MAN1C1: variants seen among roughly 807,000 people sequenced by gnomAD.
MAN1C1 encodes the protein mannosidase alpha class 1C member 1.
In MAN1C1, 49 loss-of-function variants were observed where a neutral mutation model predicts 71.5. The ratio of observed to expected loss-of-function variants is 0.69; its 90% confidence interval spans 0.54 to 0.87. MAN1C1 has a LOEUF of 0.87. Ranked by LOEUF, MAN1C1 falls within the 40% of genes least tolerant of loss-of-function variation. The probability of loss-of-function intolerance (pLI) is 0.00; values close to 1 mark genes in which losing one functional copy is unlikely to be tolerated. For synonymous variants in MAN1C1, 352 were observed against 343.7 expected (o/e 1.02, Z -0.27); for missense variants, 743 against 835.0 (o/e 0.89, Z 1.36).
intron 1 of MAN1C1, among the ~76,000 whole-genome samples, chr1:25,656,722 C>T (rs1213023335): frequency 6.6e-6 from 1 of 152,104 alleles, no homozygotes; most frequent in Non-Finnish European, 1.5e-5. Context: ...ATGTTGGGTC[C>T]TGCCCAAGCT....
chr1:25,627,287 T>TTCTGC (rs148354242), intron 1 of MAN1C1, among the ~76,000 whole-genome samples: 224 of 151,888 alleles, frequency 1.5e-3, no homozygotes, highest in African/African-American at 5.1e-3. Flanking sequence ...TTGTCTTCTC[T>TTCTGC]TCTTCTCTTC....
At chr1:25,626,718 T>C (rs1313785721) in intron 1 of MAN1C1, among the ~76,000 whole-genome samples, 3 of 152,224 alleles carry the variant, frequency 2.0e-5, no homozygotes, top group Admixed American at 6.5e-5. Context: ...TGTTCTTTTT[T>C]AATGTCAAAA....
intron 1 of MAN1C1, among the ~76,000 whole-genome samples, chr1:25,663,427 T>C (rs1358460991): frequency 1.3e-5 from 2 of 152,150 alleles, no homozygotes; most frequent in Non-Finnish European, 2.9e-5. Flanking sequence ...TATACATATG[T>C]TGCCATAAGG....
At chr1:25,755,166 G>A (rs937192980) in intron 5 of MAN1C1, among the ~76,000 whole-genome samples, 2 of 152,168 alleles carry the variant, frequency 1.3e-5, no homozygotes, top group Non-Finnish European at 2.9e-5. Flanking sequence ...GAAGGACCCT[G>A]AGGAGAGGCC....
chr1:25,623,458 G>GC (rs1050679373), intron 1 of MAN1C1, among the ~76,000 whole-genome samples: 15 of 151,876 alleles, frequency 9.9e-5, no homozygotes, highest in Non-Finnish European at 1.9e-4. Context: ...TGGTGGTGGG[G>GC]GGGGGTAAGA....
intron 1 of MAN1C1, among the ~76,000 whole-genome samples, chr1:25,657,462 G>A (rs944119864): frequency 2.6e-5 from 4 of 152,184 alleles, no homozygotes; most frequent in African/African-American, 9.7e-5. Flanking sequence ...CTTGCAGCCG[G>A]AGGTGCCTAC....
At chr1:25,756,431 G>A (rs1231249678) in intron 5 of MAN1C1, among the ~76,000 whole-genome samples, 1 of 151,162 alleles carries the variant, frequency 6.6e-6, no homozygotes, top group Non-Finnish European at 1.5e-5. Context: ...AGCATGTGGG[G>A]GTGGGAGAGA....
chr1:25,644,528 T>A (rs1489403926), intron 1 of MAN1C1: 3 of 117,140 alleles, frequency 2.6e-5, no homozygotes, highest in African/African-American at 8.6e-5. Context: ...ATTTTTTTTT[T>A]TTTTTTTTTT....
At position 25,782,183 on chromosome 1, in the gene MAN1C1, C is replaced by G. The variant is rs2047704430; in HGVS notation, c.1651-402C>G. On this transcript the variant is annotated intron_variant, in intron 10 of 11. Coordinates refer to ENST00000374332, the MANE Select transcript of MAN1C1 (RefSeq NM_020379.4). The surrounding 1 kb of genome is among the most constrained non-coding windows in gnomAD (Gnocchi z 4.4). ...CCTGAGAATCCCTGGAGTACCAAGT[C>G]CGTCCCCAAATCCCAGCCCATGGCC... is the stretch of plus-strand genomic sequence containing the variant. 6.6e-6 allele frequency among the ~76,000 whole-genome samples: 1 copy of G among 152,216 alleles called. No homozygotes were observed.
chr1:25,675,658 G>A (rs1442921349), intron 1 of MAN1C1, among the ~76,000 whole-genome samples: 1 of 151,560 alleles, frequency 6.6e-6, no homozygotes, highest in Non-Finnish European at 1.5e-5. Flanking sequence ...GTTCTTTAAG[G>A]AATCTCCATA....
At position 25,700,255 on chromosome 1, in the gene MAN1C1, G is replaced by A. The variant is rs184471698; in HGVS notation, c.637+13719G>A. Reference sequence around the variant, plus strand: ...GCTGTCTAATCCCTCCAATGGCTGCGCAAATATTTAGGACCCGGAGGAGAG... The same window carrying A: ...GCTGTCTAATCCCTCCAATGGCTGCACAAATATTTAGGACCCGGAGGAGAG... On this transcript the variant is annotated intron_variant, in intron 2 of 11. Transcript: ENST00000374332. 7.0e-3 allele frequency among the ~76,000 whole-genome samples: 1,068 copies of A among 152,234 alleles called. 14 individuals are homozygous for A. The highest frequency in any genetic ancestry group is 9.2e-3 in the Non-Finnish European group (629 of 68,012).
At chr1:25,685,250 C>A (rs552025708) in intron 1 of MAN1C1, among the ~76,000 whole-genome samples, 3 of 152,264 alleles carry the variant, frequency 2.0e-5, no homozygotes, top group African/African-American at 7.2e-5. Flanking sequence ...ACTGATTTCA[C>A]GCCAAAGTCA....
At chr1:25,642,190 G>A (rs1475169846) in intron 1 of MAN1C1, among the ~76,000 whole-genome samples, 1 of 152,174 alleles carries the variant, frequency 6.6e-6, no homozygotes, top group Non-Finnish European at 1.5e-5. Flanking sequence ...TCCTGTGGCT[G>A]CCTCTGCTAT....
At chr1:25,774,835 A>T (rs937441001) in intron 8 of MAN1C1, among the ~76,000 whole-genome samples, 2 of 141,108 alleles carry the variant, frequency 1.4e-5, no homozygotes, top group Non-Finnish European at 1.6e-5. Flanking sequence ...AAAAAAAAAA[A>T]CCCTGGTCTT....
rs760349285 is a variant in MAN1C1 at position 25,711,346 on chromosome 1, C to T, written c.637+24810C>T. Among the ~76,000 whole-genome samples, 9 of 152,192 alleles carry T rather than the reference C, an allele frequency of 5.9e-5. No homozygotes were observed. The highest frequency in any genetic ancestry group is 1.0e-4 in the Non-Finnish European group (7 of 68,034). ...GTCAGGGCTACAGGGAGAAGTAGGA[C>T]ACCAGGAACATTTTTGCCTTCTATC... On this transcript the variant is annotated intron_variant, in intron 2 of 11. Coordinates refer to ENST00000374332, the MANE Select transcript of MAN1C1 (RefSeq NM_020379.4). This position sits in a 1 kb window ranked among gnomAD's most constrained non-coding sequence, Gnocchi z 4.3.
intron 2 of MAN1C1, among the ~76,000 whole-genome samples, chr1:25,723,127 T>C (rs928661858): frequency 1.8e-4 from 28 of 152,184 alleles, no homozygotes; most frequent in African/African-American, 6.0e-4. Flanking sequence ...CTGAGATCCA[T>C]GTGGGCAAGA....
rs12073358 is a variant in MAN1C1 at position 25,753,561 on chromosome 1, C to T, written c.912C>T (p.Gly304=). ...ACACCCCCACGGGAATCCCAAAGGGCGTGGTGAGCTTCAAAAGGTAGGGCG... is the reference window on the plus strand; with the variant it reads ...ACACCCCCACGGGAATCCCAAAGGGTGTGGTGAGCTTCAAAAGGTAGGGCG... ...AFNTPTGIPK[G]VVSFKSGNWG... The change falls in exon 5 of 12, where the codon GGC becomes GGT. Residue 304 remains glycine, a synonymous_variant. Transcript: ENST00000374332. This position sits in a 1 kb window ranked among gnomAD's most constrained non-coding sequence, Gnocchi z 4.9. 9.8e-3 allele frequency: 15,772 copies of T among 1,613,532 alleles called. 1,079 individuals carry two copies. In the African/African-American group the frequency reaches 0.17, roughly 17 times the overall value.
Position 25,782,758 on chromosome 1 carries a change from C to T in MAN1C1, c.1766+58C>T, listed in dbSNP as rs953300895. 1.7e-5 allele frequency: 21 copies of T among 1,239,394 alleles called. No homozygotes were observed. The highest frequency in any genetic ancestry group is 6.1e-5 in the South Asian group (5 of 82,212). The allele number at this position is 1,239,394 out of a possible 1,614,324, so 76.8% of individuals were successfully genotyped here. ...AGGTGGGAGGTTGAGGGTAGGGGTC[C>T]GCAGTCCCTCCCCTCCACAGTCAGG... On this transcript the variant is annotated intron_variant, in intron 11 of 11. Transcript: ENST00000374332. This position sits in a 1 kb window ranked among gnomAD's most constrained non-coding sequence, Gnocchi z 4.4.
At chr1:25,682,473 C>A (rs987973468) in intron 1 of MAN1C1, among the ~76,000 whole-genome samples, 2 of 152,142 alleles carry the variant, frequency 1.3e-5, no homozygotes, top group East Asian at 1.9e-4. Flanking sequence ...AAAGAACAGC[C>A]AGCCACAACA....
Sources: allele counts gnomAD v4.1 joint callset (sites outside exome capture counted in the v4.1 genomes callset), GRCh38; gene constraint gnomAD v4.1.1; non-coding constraint Gnocchi (gnomAD v3.1); transcripts MANE v1.5; gene names NCBI Gene and HGNC (gene_info 2026-07-23, HGNC 2026-07-21).